Variants in GAL observed in about 807,000 individuals in gnomAD.
GAL encodes galanin and GMAP prepropeptide.
Under a neutral mutation model 15.8 loss-of-function variants are expected in GAL, and 14 were observed. That is an observed-to-expected ratio of 0.89 (90% CI 0.59 to 1.39). The LOEUF is 1.39. GAL is among the 40% of genes most tolerant of loss of function. GAL has a pLI of 0.00. For synonymous variants in GAL, 79 were observed against 73.8 expected, an observed-to-expected ratio of 1.07 and a Z score of -0.36; for missense variants, 176 against 170.4, an observed-to-expected ratio of 1.03 and a Z score of -0.18.
chr11:68,690,153 G>T (rs1372457729), intron 5 of GAL, among the ~76,000 whole-genome samples: 2 of 152,106 alleles, frequency 1.3e-5, no homozygotes, highest in African/African-American at 4.8e-5. Flanking sequence ...AGTTAAGGGG[G>T]AGGTGGTGGA....
At chr11:68,689,054 G>A in intron 5 of GAL, 128 bp downstream of exon 5, 1 of 634,588 alleles carries the variant, frequency 1.6e-6, no homozygotes, top group South Asian at 1.7e-5. Context: ...ACAAAGTCCT[G>A]TTTGGCTGTG....
chr11:68,689,012 C>A (rs1945881229), intron 5 of GAL, 86 bp downstream of exon 5: 1 of 724,764 alleles, frequency 1.4e-6, no homozygotes, highest in Non-Finnish European at 2.5e-6. Context: ...CCATAGAATC[C>A]CCCTGGGAAG....
chr11:68,689,297 CCTTTTCT>C (rs1309136632), intron 5 of GAL, among the ~76,000 whole-genome samples: 4 of 152,128 alleles, frequency 2.6e-5, no homozygotes, highest in African/African-American at 9.7e-5. Context: ...CCGTCCTAAA[CCTTTTCT>C]CTTTTCTTTT....
In GAL at chr11:68,687,860, G is replaced by A. The variant is rs1238700507; in HGVS notation, c.137-154G>A. Among the ~76,000 whole-genome samples the A allele has an allele frequency of 3.9e-5, 6 of 152,254 alleles. No individual in the cohort carries two copies. In the South Asian group the frequency reaches 1.0e-3, roughly 26 times the overall value. On this transcript the variant is annotated intron_variant, in intron 3 of 5. Coordinates refer to ENST00000265643, the MANE Select transcript of GAL (RefSeq NM_015973.5). ...TCTTACCTCAGCTGGGTGGAGAATC[G>A]CTCCCTCTGCTCTGGTGTCTGTCCC...
chr11:68,687,454 C>G (rs979624835), intron 3 of GAL, among the ~76,000 whole-genome samples: 1 of 152,018 alleles, frequency 6.6e-6, no homozygotes, highest in Non-Finnish European at 1.5e-5. Flanking sequence ...CGCTCCTGCA[C>G]CCCCCACCCC....
rs1477710112 is a variant in GAL at position 68,688,037 on chromosome 11, T to G, written c.160T>G (p.Phe54Val). ...GPHAVGNHRS[F>V]SDKNGLTSKR... ...AGATGCCGTTGGCAACCACAGGTCA[T>G]TCAGCGACAAGAATGGCCTCACCAG... The change falls in exon 4 of 6, where the codon TTC (phenylalanine) becomes GTC (valine). Residue 54 changes from phenylalanine to valine, a missense_variant. Physicochemically the swap from Phe to Val is conservative, Grantham distance 50 (BLOSUM62 -1). Transcript: ENST00000265643. 7 of 1,612,752 alleles carry G rather than the reference T, an allele frequency of 4.3e-6. No homozygotes were observed. The highest frequency in any genetic ancestry group is 5.1e-6 in the Non-Finnish European group (6 of 1,179,034).
chr11:68,688,611 A>G (rs1945876484), intron 4 of GAL, among the ~76,000 whole-genome samples: 2 of 152,210 alleles, frequency 1.3e-5, no homozygotes, highest in Non-Finnish European at 1.5e-5. Flanking sequence ...CCTAGGCAAC[A>G]GAGTGAGACT....
intron 5 of GAL, 146 bp from the exon 6 acceptor site, chr11:68,690,771 G>C: frequency 1.5e-6 from 1 of 654,810 alleles, no homozygotes; most frequent in Non-Finnish European, 2.8e-6. Context: ...GGAATACAGA[G>C]TGTTGTCCCT....
At chr11:68,687,076 G>A (rs904316859) in intron 3 of GAL, among the ~76,000 whole-genome samples, 3 of 152,160 alleles carry the variant, frequency 2.0e-5, no homozygotes, top group Admixed American at 6.5e-5. Flanking sequence ...GCTGCTGAAC[G>A]CAGTGTGGCC....
intron 5 of GAL, 93 bp from the exon 6 acceptor site, chr11:68,690,824 C>T: frequency 2.4e-6 from 2 of 831,268 alleles, no homozygotes; most frequent in Non-Finnish European, 4.2e-6. Flanking sequence ...AGAGGACGAC[C>T]ACACGCCGCT....
intron 4 of GAL, 55 bp downstream of exon 4, chr11:68,688,155 G>A (rs1945872092): frequency 4.7e-6 from 5 of 1,057,042 alleles, no homozygotes; most frequent in Non-Finnish European, 7.4e-6. Flanking sequence ...CAGCTCCCAG[G>A]TGCATGCAGG....
intron 3 of GAL, among the ~76,000 whole-genome samples, chr11:68,687,711 C>T (rs372311209): frequency 6.6e-5 from 10 of 152,172 alleles, no homozygotes; most frequent in Admixed American, 1.3e-4. Context: ...TGGACCCAGG[C>T]GCAACCCCTG....
Position 68,685,644 on chromosome 11 carries a change from C to G in GAL, c.132C>G (p.Gly44=). 1.2e-6 allele frequency: 2 copies of G among 1,610,878 alleles called. No individual in the cohort carries two copies. Among genetic ancestry groups the G allele is most frequent in the Non-Finnish European group, 1.7e-6 (2 of 1,177,176 alleles). Residue 44 remains glycine (G), a synonymous_variant, in exon 3 of 6, where the codon GGC becomes GGG. Transcript: ENST00000265643. ...TGAACAGCGCGGGCTACCTGCTGGGCCCACGTAAGTGACTGACAGCATGGC... is the reference window on the plus strand; with the variant it reads ...TGAACAGCGCGGGCTACCTGCTGGGGCCACGTAAGTGACTGACAGCATGGC... ...WTLNSAGYLL[G]PHAVGNHRSF...
chr11:68,685,036 G>T, intron 2 of GAL, 32 bp downstream of exon 2: 1 of 1,453,570 alleles, frequency 6.9e-7, no homozygotes, highest in East Asian at 2.4e-5. Flanking sequence ...TCCGAGCGAA[G>T]GGGACATCAG....
Position 68,688,005 on chromosome 11 carries a change from T to G in GAL, c.137-9T>G. ...CACCCAGAGGCTTTCCTCTCTGATC[T>G]GCAAACAGATGCCGTTGGCAACCAC... On this transcript the variant is annotated splice_polypyrimidine_tract_variant and intron_variant, in intron 3 of 5. Transcript: ENST00000265643. 1 of 1,596,286 alleles carries G rather than the reference T, an allele frequency of 6.3e-7. No individual in the cohort carries two copies. The highest frequency in any genetic ancestry group is 8.6e-7 in the Non-Finnish European group (1 of 1,164,110).
rs143917944 is a variant in GAL, at chr11:68,686,955, G to A, written c.137-1059G>A. The stretch of plus-strand genomic sequence containing the variant: ...AACTCATTTTCGCCATCAATTTTAC[G>A]GCCCTGTTCAGCTGTAGCTAGACGA... On this transcript the variant is annotated intron_variant, in intron 3 of 5. Coordinates refer to ENST00000265643, the MANE Select transcript of GAL (RefSeq NM_015973.5). 3.2e-4 allele frequency among the ~76,000 whole-genome samples: 49 copies of A among 152,206 alleles called. 1 individual carries two copies. The highest frequency in any genetic ancestry group is 7.5e-4 in the African/African-American group (31 of 41,522).
At chr11:68,690,067 G>C (rs1035032056) in intron 5 of GAL, among the ~76,000 whole-genome samples, 4 of 149,272 alleles carry the variant, frequency 2.7e-5, no homozygotes, top group Admixed American at 2.7e-4. Flanking sequence ...GAGAGTTAAG[G>C]GGGAGGCAGT....
In GAL at chr11:68,688,868, A is replaced by G. The variant is rs765863503; in HGVS notation, c.243A>G (p.Ile81Met). 6.4e-7 allele frequency: 1 copy of G among 1,563,070 alleles called. No homozygotes were observed. The highest frequency in any genetic ancestry group is 1.7e-5 in the Admixed American group (1 of 59,950). The change falls in exon 5 of 6, where the codon ATA (isoleucine) becomes ATG (methionine). Residue 81 changes from isoleucine (I) to methionine (M), a missense_variant. Physicochemically the swap from Ile to Met is conservative, Grantham distance 10. Coordinates refer to ENST00000265643, the MANE Select transcript of GAL (RefSeq NM_015973.5). The part of the protein sequence containing the change: ...DMKPGSFDRS[I>M]PENNIMRTII... ...TTCTAGGAAGCTTTGACAGGTCCAT[A>G]CCTGAAAACAATATCATGCGCACAA...
chr11:68,689,153 G>A (rs1047252473), intron 5 of GAL, among the ~76,000 whole-genome samples: 35 of 152,210 alleles, frequency 2.3e-4, no homozygotes, highest in African/African-American at 8.2e-4. Context: ...GAGGGCCATC[G>A]GGCCAGCGCT....
Sources: gnomAD v4.1 joint callset for allele counts (sites outside exome capture counted in the v4.1 genomes callset) on GRCh38, gnomAD v4.1.1 for gene constraint, MANE v1.5 for transcripts, NCBI Gene and HGNC (gene_info 2026-07-23, HGNC 2026-07-21) for gene names.